PRUNE2: variants seen among roughly 807,000 people sequenced by gnomAD.
PRUNE2 encodes prune homolog 2 with BCH domain, also known as protein prune homolog 2.
PRUNE2 carries 164 observed loss-of-function variants against 252.0 expected under a neutral mutation model. The ratio of observed to expected loss-of-function variants is 0.65; its 90% confidence interval spans 0.57 to 0.74. The LOEUF (loss-of-function observed/expected upper bound fraction) is 0.74, where lower values mean the gene tolerates loss of function less well. PRUNE2 is among the 30% of genes least tolerant of loss of function. The pLI, the probability that PRUNE2 is intolerant of heterozygous loss-of-function variation, is 0.00. For missense variants in PRUNE2, 3,495 were observed against 3,711.0 expected (o/e 0.94, Z 1.51); for synonymous variants, 1,292 against 1,350.2 (o/e 0.96, Z 0.94).
chr9:76,875,532 A>G (rs1207074403), intron 1 of PRUNE2, among the ~76,000 whole-genome samples: 2 of 151,726 alleles, frequency 1.3e-5, no homozygotes, highest in African/African-American at 4.8e-5. Context: ...TGCCCGGCCA[A>G]TTTTTGTATT....
chr9:76,714,763 A>G (rs2047006211), intron 6 of PRUNE2, among the ~76,000 whole-genome samples: 1 of 152,180 alleles, frequency 6.6e-6, no homozygotes, highest in Non-Finnish European at 1.5e-5. Flanking sequence ...TTCCTTAAAG[A>G]AGTACAGTGA....
chr9:76,766,531 T>C (rs1564251104), intron 6 of PRUNE2, among the ~76,000 whole-genome samples: 2 of 152,202 alleles, frequency 1.3e-5, no homozygotes, highest in Non-Finnish European at 2.9e-5. Context: ...TTAACTTTCT[T>C]GGACAACTGG....
chr9:76,807,994 A>G, intron 6 of PRUNE2, among the ~76,000 whole-genome samples: 1 of 152,244 alleles, frequency 6.6e-6, no homozygotes, highest in Non-Finnish European at 1.5e-5. Context: ...CCTGGCCAAT[A>G]TGGTGAAACC....
chr9:76,829,576 T>C (rs1446303895), intron 4 of PRUNE2, among the ~76,000 whole-genome samples: 3 of 152,114 alleles, frequency 2.0e-5, no homozygotes, highest in African/African-American at 7.2e-5. Context: ...TTGTACTATA[T>C]TGACAGAGTT....
intron 6 of PRUNE2, among the ~76,000 whole-genome samples, chr9:76,781,813 T>C (rs992291436): frequency 1.3e-5 from 2 of 152,352 alleles, no homozygotes; most frequent in African/African-American, 4.8e-5. Flanking sequence ...TATTTCACCT[T>C]TCATCCTGCT....
At chr9:76,696,931 G>A (rs2045445636) in intron 9 of PRUNE2, among the ~76,000 whole-genome samples, 1 of 152,210 alleles carries the variant, frequency 6.6e-6, no homozygotes, top group Non-Finnish European at 1.5e-5. Context: ...TACTGCTCCT[G>A]TTCTTGGGCT....
chr9:76,702,746 T>C (rs543100966), intron 9 of PRUNE2, among the ~76,000 whole-genome samples: 1 of 152,344 alleles, frequency 6.6e-6, no homozygotes, highest in African/African-American at 2.4e-5. Context: ...GTTAGGTGCT[T>C]ACATAAAACC....
At chr9:76,768,939 C>A (rs1174941611) in intron 6 of PRUNE2, among the ~76,000 whole-genome samples, 3 of 152,180 alleles carry the variant, frequency 2.0e-5, no homozygotes, top group Non-Finnish European at 2.9e-5. Flanking sequence ...GTAATAGATG[C>A]CTTGTTTTAA....
At chr9:76,751,739 T>C (rs1030173211) in intron 6 of PRUNE2, among the ~76,000 whole-genome samples, 2 of 152,218 alleles carry the variant, frequency 1.3e-5, no homozygotes, top group Non-Finnish European at 2.9e-5. Context: ...TCAAAATGAA[T>C]AACTAAATAG....
chr9:76,811,088 G>A (rs1197986895), intron 6 of PRUNE2, among the ~76,000 whole-genome samples: 1 of 152,152 alleles, frequency 6.6e-6, no homozygotes, highest in Non-Finnish European at 1.5e-5. Context: ...GCTATTAAAA[G>A]TAACACTAGG....
At chr9:76,854,077 A>C (rs1336520511) in intron 2 of PRUNE2, 27 bp downstream of exon 2, 3 of 1,077,264 alleles carry the variant, frequency 2.8e-6, no homozygotes, top group Non-Finnish European at 4.2e-6. Flanking sequence ...TTCAAAATAT[A>C]AGGAGTATTA....
chr9:76,680,240 C>T (rs756850127), intron 9 of PRUNE2, among the ~76,000 whole-genome samples: 2 of 152,044 alleles, frequency 1.3e-5, no homozygotes, highest in African/African-American at 2.4e-5. Flanking sequence ...AAATGGCCAA[C>T]GAGCATATGA....
At chr9:76,888,567 A>T (rs2062249691) in intron 1 of PRUNE2, among the ~76,000 whole-genome samples, 1 of 148,166 alleles carries the variant, frequency 6.7e-6, no homozygotes, top group Non-Finnish European at 1.5e-5. Context: ...ACAGAGTGAG[A>T]CTCCATCTCA....
chr9:76,617,922 T>C (rs978615970), intron 18 of PRUNE2, among the ~76,000 whole-genome samples: 8 of 152,216 alleles, frequency 5.3e-5, no homozygotes, highest in Non-Finnish European at 1.0e-4. Context: ...GGTGCTGTTT[T>C]GCTGAGGGAA....
In PRUNE2 at chr9:76,652,681, G is replaced by A. The variant is rs767851825; in HGVS notation, c.8359C>T (p.Pro2787Ser). 3.7e-6 allele frequency: 6 copies of A among 1,603,500 alleles called. No homozygotes were observed. The Admixed American group carries it at 1.0e-4, about 27-fold the overall frequency. The change falls in exon 11 of 19, where the codon CCT becomes TCT. Residue 2787 changes from proline (P) to serine (S), a missense_variant and splice_region_variant. Coordinates refer to ENST00000376718, the MANE Select transcript of PRUNE2 (RefSeq NM_015225.3). ...TCATTAAGATCCAGAGAATTAGGAG[G>A]TTCTAAAGAAGAAAGAGAACAGCAA... ...SPSAADMRPE[P>S]PNSLDLNDTH...
intron 1 of PRUNE2, among the ~76,000 whole-genome samples, chr9:76,877,636 A>G (rs1395089147): frequency 6.6e-6 from 1 of 152,196 alleles, no homozygotes; most frequent in African/African-American, 2.4e-5. Context: ...CAGCTGCTGA[A>G]TATCTCTTGA....
intron 6 of PRUNE2, among the ~76,000 whole-genome samples, chr9:76,805,514 G>C (rs932982818): frequency 2.6e-5 from 4 of 152,140 alleles, no homozygotes; most frequent in South Asian, 2.1e-4. Flanking sequence ...AAGATCGTCT[G>C]AGCCTGGGAG....
intron 4 of PRUNE2, among the ~76,000 whole-genome samples, chr9:76,832,663 G>A (rs897627004): frequency 1.3e-5 from 2 of 151,480 alleles, no homozygotes; most frequent in Admixed American, 1.3e-4. Flanking sequence ...CTAAAAAAAA[G>A]GTAGAAGGAC....
chr9:76,638,081 C>G (rs1840913277), intron 13 of PRUNE2, 105 bp downstream of exon 13: 1 of 742,954 alleles, frequency 1.3e-6, no homozygotes, highest in Non-Finnish European at 2.3e-6. Flanking sequence ...TCACTGAAGG[C>G]TTAGAACATT....
Sources: gnomAD v4.1 joint callset for allele counts (sites outside exome capture counted in the v4.1 genomes callset) on GRCh38, gnomAD v4.1.1 for gene constraint, MANE v1.5 for transcripts, NCBI Gene and HGNC (gene_info 2026-07-23, HGNC 2026-07-21) for gene names.